Variants in NTM observed in about 807,000 individuals in gnomAD.
NTM encodes neurotrimin, also known as IgLON family member 2.
In NTM, 13 loss-of-function variants were observed where a neutral mutation model predicts 42.1. The observed-to-expected ratio is 0.31, with a 90% CI of 0.20 to 0.49. NTM has a LOEUF of 0.49. Among genes scored for constraint, NTM ranks in the 20% least tolerant of loss-of-function variants. The probability of loss-of-function intolerance (pLI) is 0.99; values close to 1 mark genes in which losing one functional copy is unlikely to be tolerated. For synonymous variants in NTM, 187 were observed against 179.2 expected, an observed-to-expected ratio of 1.04 and a Z score of -0.35; for missense variants, 373 against 452.8, an observed-to-expected ratio of 0.82 and a Z score of 1.60.
rs577238280 is a variant in NTM at position 132,115,560 on chromosome 11, A to G, written c.168-30722A>G. ...CTGTCAGGAACACACAAACTTCCAG[A>G]GGAATTTGGGAAAGAGGAGATGACT... On this transcript the variant is annotated intron_variant, in intron 2 of 8. Transcript: ENST00000683400. Among the ~76,000 whole-genome samples the G allele has an allele frequency of 2.0e-5, 3 of 152,292 alleles. No individual in the cohort carries two copies. The East Asian group carries it at 5.8e-4, about 29-fold the overall frequency.
At chr11:131,794,593 G>C in intron 1 of NTM, 2 of 983,578 alleles carry the variant, frequency 2.0e-6, no homozygotes, top group South Asian at 9.5e-5. Flanking sequence ...AATGGCAATA[G>C]ACCGACACAA....
intron 4 of NTM, among the ~76,000 whole-genome samples, chr11:132,263,543 C>T (rs1341671935): frequency 6.6e-6 from 1 of 152,244 alleles, no homozygotes; most frequent in African/African-American, 2.4e-5. Context: ...CATGCTTTTA[C>T]ATTTTGTATA....
At chr11:131,856,833 T>C (rs2046149202) in intron 1 of NTM, among the ~76,000 whole-genome samples, 1 of 152,238 alleles carries the variant, frequency 6.6e-6, no homozygotes, top group South Asian at 2.1e-4. Context: ...TAATAGCCCA[T>C]TTTACAGGCA....
At chr11:131,605,883 C>T (rs948919319) in intron 1 of NTM, 2 of 983,126 alleles carry the variant, frequency 2.0e-6, no homozygotes, top group African/African-American at 3.5e-5. Flanking sequence ...TTCACCACCC[C>T]ACTCTATTAA....
At chr11:132,248,691 C>A (rs144906011) in intron 4 of NTM, among the ~76,000 whole-genome samples, 11 of 152,198 alleles carry the variant, frequency 7.2e-5, no homozygotes, top group African/African-American at 2.7e-4. Context: ...TGGTCCACCA[C>A]GCATCAGGTC....
chr11:132,125,778 ATGTGTGT>A (rs957412863), intron 2 of NTM, among the ~76,000 whole-genome samples: 1 of 2,314 alleles, frequency 4.3e-4, no homozygotes, highest in Non-Finnish European at 1.2e-3. Flanking sequence ...TATATGGTGC[ATGTGTGT>A]TGTGTGTTGT....
chr11:132,256,002 G>T (rs771133946), intron 4 of NTM, among the ~76,000 whole-genome samples: 12 of 151,960 alleles, frequency 7.9e-5, no homozygotes, highest in African/African-American at 2.9e-4. Flanking sequence ...CCCAGTGAAC[G>T]TCCTCCTCCA....
chr11:131,959,498 T>C (rs1005589904), intron 2 of NTM, among the ~76,000 whole-genome samples: 2 of 151,930 alleles, frequency 1.3e-5, no homozygotes, highest in African/African-American at 2.4e-5. Context: ...TAGCCAGGTG[T>C]AGTGGTGCAT....
intron 1 of NTM, among the ~76,000 whole-genome samples, chr11:131,736,343 G>A (rs1300372589): frequency 3.9e-5 from 6 of 152,162 alleles, no homozygotes; most frequent in African/African-American, 1.2e-4. Flanking sequence ...CTGCCTTCCA[G>A]TAACCCTCCA....
intron 1 of NTM, among the ~76,000 whole-genome samples, chr11:131,600,054 G>A (rs1462572461): frequency 2.0e-5 from 3 of 152,210 alleles, no homozygotes; most frequent in Admixed American, 1.3e-4. Context: ...TCTGGGGTCT[G>A]AAGTTGAGCC....
chr11:132,194,225 A>G (rs2079796509), intron 3 of NTM, among the ~76,000 whole-genome samples: 2 of 152,188 alleles, frequency 1.3e-5, no homozygotes, highest in Admixed American at 1.3e-4. Context: ...TCAGCAAAAT[A>G]CTAGCAAACC....
At chr11:131,380,555 T>G (rs565793221) in intron 1 of NTM, among the ~76,000 whole-genome samples, 1 of 152,256 alleles carries the variant, frequency 6.6e-6, no homozygotes, top group African/African-American at 2.4e-5. Flanking sequence ...CACTTTTTCT[T>G]ACCTTTACTG....
At chr11:131,736,214 G>A (rs1013064534) in intron 1 of NTM, among the ~76,000 whole-genome samples, 6 of 152,200 alleles carry the variant, frequency 3.9e-5, no homozygotes, top group Admixed American at 1.3e-4. Context: ...TGGACTCCCC[G>A]AACCTTCTAC....
At chr11:132,131,669 G>A (rs572510112) in intron 2 of NTM, among the ~76,000 whole-genome samples, 3 of 152,288 alleles carry the variant, frequency 2.0e-5, no homozygotes, top group South Asian at 4.1e-4. Flanking sequence ...GTCCTGGCAT[G>A]TTCTTCTGAA....
chr11:132,201,830 G>A (rs1298056318), intron 3 of NTM, among the ~76,000 whole-genome samples: 1 of 152,166 alleles, frequency 6.6e-6, no homozygotes, highest in Non-Finnish European at 1.5e-5. Context: ...CCAAATCCCT[G>A]TAGGAAGAGC....
chr11:131,566,991 T>C (rs1220083600), intron 1 of NTM, among the ~76,000 whole-genome samples: 1 of 151,926 alleles, frequency 6.6e-6, no homozygotes, highest in Non-Finnish European at 1.5e-5. Flanking sequence ...TGGAAAAATC[T>C]CTCAGCTGGA....
chr11:131,586,727 A>G (rs2458791), intron 1 of NTM, among the ~76,000 whole-genome samples: 16,939 of 152,180 alleles, frequency 0.11, 1,040 homozygotes, highest in African/African-American at 0.17. Context: ...AATTAATACA[A>G]TGGGTTTTCT....
intron 2 of NTM, among the ~76,000 whole-genome samples, chr11:132,120,402 T>G (rs1413957458): frequency 6.6e-6 from 1 of 152,196 alleles, no homozygotes; most frequent in Non-Finnish European, 1.5e-5. Flanking sequence ...TTTACCCGAC[T>G]GAGTTTAGGT....
At chr11:132,119,786 T>A (rs1218971125) in intron 2 of NTM, among the ~76,000 whole-genome samples, 1 of 152,180 alleles carries the variant, frequency 6.6e-6, no homozygotes, top group African/African-American at 2.4e-5. Flanking sequence ...TTAAATGAAA[T>A]GCAATCACCT....
Sources: allele counts gnomAD v4.1 joint callset (sites outside exome capture counted in the v4.1 genomes callset), GRCh38; gene constraint gnomAD v4.1.1; transcripts MANE v1.5; gene names NCBI Gene and HGNC (gene_info 2026-07-23, HGNC 2026-07-21).